The following FAM163A variants were observed in gnomAD, a reference collection of about 807,000 sequenced individuals.
FAM163A encodes the protein family with sequence similarity 163 member A.
FAM163A carries 7 observed loss-of-function variants against 12.0 expected under a neutral mutation model. The observed-to-expected ratio is 0.58, with a 90% confidence interval of 0.33 to 1.10. The LOEUF (loss-of-function observed/expected upper bound fraction) is 1.10. Among genes scored for constraint, FAM163A ranks in the 50% least tolerant of loss-of-function variants. The pLI is 0.03. For synonymous variants in FAM163A, 101 were observed against 91.0 expected (o/e 1.11, Z -0.62); for missense variants, 202 against 218.6 (o/e 0.92, Z 0.48).
chr1:179,775,967 C>T (rs1688910601), intron 1 of FAM163A, among the ~76,000 whole-genome samples: 1 of 152,056 alleles, frequency 6.6e-6, no homozygotes, highest in Non-Finnish European at 1.5e-5. Context: ...GCTATAAATT[C>T]AACAGCAGAC....
chr1:179,780,146 A>T (rs1438220481), intron 1 of FAM163A, among the ~76,000 whole-genome samples: 2 of 152,212 alleles, frequency 1.3e-5, no homozygotes, highest in African/African-American at 2.4e-5. Context: ...AGCCCTCTAG[A>T]TAATGGGCCA....
chr1:179,768,207 T>G (rs1344924694), intron 1 of FAM163A, among the ~76,000 whole-genome samples: 1 of 152,250 alleles, frequency 6.6e-6, no homozygotes, highest in East Asian at 1.9e-4. Flanking sequence ...TGTATGGATA[T>G]ACCACATCTC....
intron 1 of FAM163A, among the ~76,000 whole-genome samples, chr1:179,755,835 C>T (rs1322156029): frequency 2.0e-5 from 3 of 152,122 alleles, no homozygotes; most frequent in Non-Finnish European, 2.9e-5. Context: ...ATGGTGACCC[C>T]GCAATCCATG....
chr1:179,772,417 C>A lies in FAM163A; in HGVS notation c.-136+28994C>A, dbSNP rs1688401461. On this transcript the variant is annotated intron_variant, in intron 1 of 4. Transcript: ENST00000341785. ...TGTCTCCAGACCATTGTCTACTCTG[C>A]TGCCGAGTCCATTTAAAGTTCTTAA... Among the ~76,000 whole-genome samples the A allele has an allele frequency of 3.3e-5, 5 of 152,212 alleles. No individual in the cohort carries two copies. The South Asian group carries it at 1.0e-3, about 32-fold the overall frequency.
intron 1 of FAM163A, among the ~76,000 whole-genome samples, chr1:179,797,628 A>G (rs1434527952): frequency 6.6e-6 from 1 of 152,214 alleles, no homozygotes; most frequent in East Asian, 1.9e-4. Flanking sequence ...GCATATAACT[A>G]GCTTGATTTA....
At chr1:179,732,352 C>T in the FAM163A span, among the ~76,000 whole-genome samples, 6 of 152,178 alleles carry the variant, frequency 3.9e-5, no homozygotes, top group East Asian at 3.8e-4. Context: ...AACGTAGATG[C>T]GCTAAAGCTC....
chr1:179,813,838 C>A lies in FAM163A; in HGVS notation c.153C>A (p.His51Gln). ...EVADEEEERE[H>Q]DLPTHPRGPT... ...CAGACGAGGAGGAGGAGCGGGAGCA[C>A]GACCTTCCCACGCATCCCAGAGGCC... The change falls in exon 5 of 5, where the codon CAC becomes CAA. Residue 51 changes from histidine (H) to glutamine (Q), a missense_variant. Transcript: ENST00000341785. 1 of 1,613,988 alleles carries A rather than the reference C, an allele frequency of 6.2e-7. No homozygotes were observed. The highest frequency in any genetic ancestry group is 8.5e-7 in the Non-Finnish European group (1 of 1,180,024).
Position 179,814,670 on chromosome 1 carries a change from G to T in FAM163A, c.*481G>T. 6.3e-6 allele frequency: 1 copy of T among 158,170 alleles called. No homozygotes were observed. Among genetic ancestry groups the T allele is most frequent in the Non-Finnish European group, 1.4e-5 (1 of 71,644 alleles). The allele number at this position is 158,170 out of a possible 1,614,324, so 9.8% of individuals were successfully genotyped here. A position where few individuals can be genotyped will look rare whatever the true frequency, so the allele number is the denominator to read the frequency against. On this transcript the variant is annotated 3_prime_UTR_variant, in exon 5 of 5. Transcript: ENST00000341785. ...GCATTGGAGAAGCGAGGGGCGGGGCGTCAACGGCACTGCTTCAGGACGCGC... is the reference window on the plus strand; with the variant it reads ...GCATTGGAGAAGCGAGGGGCGGGGCTTCAACGGCACTGCTTCAGGACGCGC...
At chr1:179,798,632 G>A (rs1692727279) in intron 1 of FAM163A, among the ~76,000 whole-genome samples, 1 of 152,206 alleles carries the variant, frequency 6.6e-6, no homozygotes, top group Non-Finnish European at 1.5e-5. Flanking sequence ...TCCTACCCCA[G>A]AAGCTGCCTT....
intron 1 of FAM163A, among the ~76,000 whole-genome samples, chr1:179,772,555 T>C (rs112835437): frequency 1.4e-4 from 21 of 152,218 alleles, no homozygotes; most frequent in Admixed American, 7.2e-4. Flanking sequence ...AGCAATCTGT[T>C]GGTAATTCAA....
At chr1:179,811,363 G>A (rs1169773795) in intron 2 of FAM163A, among the ~76,000 whole-genome samples, 1 of 152,206 alleles carries the variant, frequency 6.6e-6, no homozygotes, top group Non-Finnish European at 1.5e-5. Flanking sequence ...GTCTTCACTG[G>A]TGTGGGGGAC....
At chr1:179,735,454 C>T in the FAM163A span, among the ~76,000 whole-genome samples, 1 of 148,018 alleles carries the variant, frequency 6.8e-6, no homozygotes, top group Non-Finnish European at 1.5e-5. Flanking sequence ...TGTTGCTAAA[C>T]CACCTTCTGC....
At chr1:179,732,787 AG>A in the FAM163A span, among the ~76,000 whole-genome samples, 1 of 145,164 alleles carries the variant, frequency 6.9e-6, no homozygotes, top group Admixed American at 7.3e-5. Flanking sequence ...AGGCTGAGGC[AG>A]GAGAATCGCT....
chr1:179,798,626 A>AC (rs544838198), intron 1 of FAM163A, among the ~76,000 whole-genome samples: 197 of 152,278 alleles, frequency 1.3e-3, no homozygotes, highest in Middle Eastern at 0.01. Flanking sequence ...AAGGTCTCCT[A>AC]CCCCAGAAGC....
the FAM163A span, among the ~76,000 whole-genome samples, chr1:179,732,731 A>C: frequency 6.6e-6 from 1 of 151,844 alleles, no homozygotes; most frequent in Admixed American, 6.6e-5. Flanking sequence ...AAATACAAAA[A>C]TTAGCCAGGC....
chr1:179,734,324 A>G, the FAM163A span, among the ~76,000 whole-genome samples: 3 of 152,364 alleles, frequency 2.0e-5, no homozygotes, highest in African/African-American at 7.2e-5. Flanking sequence ...TTAATCATTG[A>G]CTAAACAGTA....
chr1:179,793,040 T>C lies in FAM163A; in HGVS notation c.-135-14758T>C, dbSNP rs1691749322. On this transcript the variant is annotated intron_variant, in intron 1 of 4. Transcript: ENST00000341785. ...GAAAAAAAAAAGGCATGGAATCATG[T>C]AGTTTTGTGGAACAGAGATACAAAA... is the stretch of plus-strand genomic sequence containing the variant. Among the ~76,000 whole-genome samples the C allele has an allele frequency of 4.0e-5, 6 of 151,486 alleles. No individual in the cohort carries two copies. In the South Asian group the frequency reaches 8.4e-4, roughly 21 times the overall value.
chr1:179,774,143 G>A (rs369810702), intron 1 of FAM163A, among the ~76,000 whole-genome samples: 1 of 152,220 alleles, frequency 6.6e-6, no homozygotes, highest in Non-Finnish European at 1.5e-5. Flanking sequence ...GAACCTCACT[G>A]TGCCCCCATG....
rs1355191199 is a variant in FAM163A, at chr1:179,813,088, C to A, written c.-10C>A. The A allele has an allele frequency of 1.9e-6, 3 of 1,551,594 alleles. No individual in the cohort carries two copies. Among genetic ancestry groups the A allele is most frequent in the Admixed American group, 2.0e-5 (1 of 50,994 alleles). ...CACATCTTTGCAGAGTTTGATGGGG[C>A]GCCGGGCGGATGACAGCGGGAACGG... On this transcript the variant is annotated 5_prime_UTR_variant, in exon 4 of 5. Coordinates refer to ENST00000341785, the MANE Select transcript of FAM163A (RefSeq NM_173509.3).
Sources: allele counts gnomAD v4.1 joint callset (sites outside exome capture counted in the v4.1 genomes callset), GRCh38; gene constraint gnomAD v4.1.1; transcripts MANE v1.5; gene names NCBI Gene and HGNC (gene_info 2026-07-23, HGNC 2026-07-21).